The following PRIM2 variants were observed in gnomAD, a reference collection of about 807,000 sequenced individuals.
PRIM2 encodes DNA primase subunit 2, also known as DNA primase large subunit.
Under a neutral mutation model 67.3 loss-of-function variants are expected in PRIM2, and 39 were observed. That is an observed-to-expected ratio of 0.58 (90% confidence interval 0.45 to 0.76). The LOEUF (loss-of-function observed/expected upper bound fraction) is 0.76. Ranked by LOEUF, PRIM2 falls within the 30% of genes least tolerant of loss-of-function variation. The probability of loss-of-function intolerance (pLI) is 0.00; values close to 1 mark genes in which losing one functional copy is unlikely to be tolerated. For synonymous variants in PRIM2, 143 were observed against 198.7 expected (o/e 0.72, Z 2.36); for missense variants, 398 against 598.7 (o/e 0.66, Z 3.50).
intron 5 of PRIM2, among the ~76,000 whole-genome samples, chr6:57,352,253 T>G (rs1442731441): frequency 3.3e-5 from 5 of 152,226 alleles, no homozygotes; most frequent in African/African-American, 1.2e-4. Context: ...TTTCTTTTCT[T>G]TTTTTGAGCC....
intron 7 of PRIM2, among the ~76,000 whole-genome samples, chr6:57,480,958 A>G (rs1410696374): frequency 1.3e-5 from 2 of 152,200 alleles, no homozygotes; most frequent in African/African-American, 2.4e-5. Flanking sequence ...CAAGAATATT[A>G]TATAAGTGGA....
upstream of PRIM2, among the ~76,000 whole-genome samples, chr6:57,312,057 AGAGGGGAGAG>A (rs1302571789): frequency 6.4e-5 from 2 of 31,062 alleles, no homozygotes. Context: ...GGGAGAGGGG[AGAGGGGAGAG>A]GGGGGAGAGG....
the PRIM2 span, among the ~76,000 whole-genome samples, chr6:57,298,114 C>G: frequency 1.3e-5 from 2 of 152,172 alleles, no homozygotes; most frequent in African/African-American, 2.4e-5. Flanking sequence ...GTAGTCCCAG[C>G]ACTTTGGGAA....
chr6:57,504,828 A>G (rs1774219812), intron 7 of PRIM2, among the ~76,000 whole-genome samples: 1 of 152,234 alleles, frequency 6.6e-6, no homozygotes. Context: ...GGAAGGCTTG[A>G]TAATTGTTAC....
intron 10 of PRIM2, among the ~76,000 whole-genome samples, chr6:57,577,797 T>G (rs1775991006): frequency 6.6e-6 from 1 of 152,202 alleles, no homozygotes; most frequent in Non-Finnish European, 1.5e-5. Flanking sequence ...AAGAGTTCCA[T>G]ATACTCTTCA....
At chr6:57,409,705 A>G (rs1489380936) in intron 7 of PRIM2, among the ~76,000 whole-genome samples, 1 of 152,166 alleles carries the variant, frequency 6.6e-6, no homozygotes, top group Admixed American at 6.5e-5. Flanking sequence ...TTTAATTTCC[A>G]TATCTTGAAT....
At chr6:57,603,749 T>C (rs1280631218) in intron 11 of PRIM2, among the ~76,000 whole-genome samples, 1 of 151,626 alleles carries the variant, frequency 6.6e-6, no homozygotes, top group Non-Finnish European at 1.5e-5. Flanking sequence ...AGAAATAGCA[T>C]TGAATCTGTA....
chr6:57,380,822 A>G (rs1173048105), intron 6 of PRIM2, among the ~76,000 whole-genome samples: 2 of 146,364 alleles, frequency 1.4e-5, no homozygotes, highest in African/African-American at 5.1e-5. Context: ...TTTTGCTTCT[A>G]CTTGGGCATT....
chr6:57,544,306 G>C (rs1369533555), intron 10 of PRIM2, among the ~76,000 whole-genome samples: 2 of 152,092 alleles, frequency 1.3e-5, no homozygotes, highest in African/African-American at 4.8e-5. Context: ...AGGTTATCTC[G>C]GGGCTGGCAT....
chr6:57,330,932 C>T (rs998232910), intron 5 of PRIM2, among the ~76,000 whole-genome samples: 31 of 152,032 alleles, frequency 2.0e-4, no homozygotes, highest in Non-Finnish European at 3.1e-4. Flanking sequence ...CCTGTAATCC[C>T]AGCACTTTGG....
At chr6:57,300,969 C>T in the PRIM2 span, among the ~76,000 whole-genome samples, 1 of 152,156 alleles carries the variant, frequency 6.6e-6, no homozygotes, top group Non-Finnish European at 1.5e-5. Flanking sequence ...ACACATGATG[C>T]TTTAGGGCTA....
intron 7 of PRIM2, among the ~76,000 whole-genome samples, chr6:57,472,158 G>C (rs1773349757): frequency 1.3e-5 from 2 of 151,980 alleles, no homozygotes. Context: ...GGCTGGGCGC[G>C]GTGGCTCACG....
At chr6:57,379,442 C>T (rs764221164) in intron 5 of PRIM2, among the ~76,000 whole-genome samples, 1 of 151,264 alleles carries the variant, frequency 6.6e-6, no homozygotes, top group Non-Finnish European at 1.5e-5. Context: ...ATAGTTGTTC[C>T]TAGAAAAACT....
intron 5 of PRIM2, among the ~76,000 whole-genome samples, chr6:57,358,884 T>G (rs1769113167): frequency 6.6e-6 from 1 of 152,230 alleles, no homozygotes; most frequent in Non-Finnish European, 1.5e-5. Context: ...ATTTTCTCAT[T>G]GAGAAGTGGG....
rs1313850684 is a variant in PRIM2 at position 57,428,782 on chromosome 6, A to G, written c.693+46614A>G. ...ACTCACATTTACAAAAATAGTAGAGAGTTTCAATTGTACCTCCCATTCAGC... is the reference window on the plus strand; with the variant it reads ...ACTCACATTTACAAAAATAGTAGAGGGTTTCAATTGTACCTCCCATTCAGC... On this transcript the variant is annotated intron_variant, in intron 7 of 13. Transcript: ENST00000615550. Among the ~76,000 whole-genome samples the G allele has an allele frequency of 2.0e-5, 3 of 152,188 alleles. No individual in the cohort carries two copies. The South Asian group carries it at 6.2e-4, about 32-fold the overall frequency.
the PRIM2 span, among the ~76,000 whole-genome samples, chr6:57,265,949 C>T: frequency 1.2e-4 from 19 of 152,076 alleles, no homozygotes; most frequent in African/African-American, 4.6e-4. Flanking sequence ...GGGCTTCTTG[C>T]CCAGTCTTAT....
At chr6:57,407,473 T>TTG (rs1554335066) in intron 7 of PRIM2, among the ~76,000 whole-genome samples, 49 of 152,080 alleles carry the variant, frequency 3.2e-4, no homozygotes, top group Middle Eastern at 3.4e-3. Context: ...GGTTTTTTTT[T>TTG]TGTGTGTGTG....
chr6:57,644,673 T>C (rs1777303624), intron 13 of PRIM2, among the ~76,000 whole-genome samples: 2 of 152,222 alleles, frequency 1.3e-5, no homozygotes, highest in African/African-American at 4.8e-5. Context: ...GTCACTTCAG[T>C]ACGAAGAGTG....
At chr6:57,627,279 C>CAAAAAAAAAAAAAAAAAAAAA (rs1158722297) in intron 12 of PRIM2, among the ~76,000 whole-genome samples, 1 of 24,538 alleles carries the variant, frequency 4.1e-5, no homozygotes, top group Non-Finnish European at 7.9e-5. Flanking sequence ...GACTCTGTCT[C>CAAAAAAAAAAAAAAAAAAAAA]AAAAAAAAAA....
Sources: allele counts gnomAD v4.1 joint callset (sites outside exome capture counted in the v4.1 genomes callset), GRCh38; gene constraint gnomAD v4.1.1; transcripts MANE v1.5; gene names NCBI Gene and HGNC (gene_info 2026-07-23, HGNC 2026-07-21).